WWC2: variants seen among roughly 807,000 people sequenced by gnomAD.
The protein encoded by WWC2 is WW and C2 domain containing 2.
WWC2 carries 101 observed loss-of-function variants against 138.5 expected under a neutral mutation model. The ratio of observed to expected loss-of-function variants is 0.73; its 90% CI spans 0.62 to 0.86. The LOEUF (loss-of-function observed/expected upper bound fraction) is 0.86, where lower values mean the gene tolerates loss of function less well. Ranked by LOEUF, WWC2 falls within the 40% of genes least tolerant of loss-of-function variation. The pLI is 0.00. For synonymous variants in WWC2, 558 were observed against 538.4 expected, an observed-to-expected ratio of 1.04 and a Z score of -0.50; for missense variants, 1,420 against 1,419.4, an observed-to-expected ratio of 1.00 and a Z score of -0.01.
chr4:183,248,935 G>C, intron 7 of WWC2, 75 bp downstream of exon 7: 1 of 1,349,338 alleles, frequency 7.4e-7, no homozygotes, highest in Non-Finnish European at 9.9e-7. Context: ...ATGGTGAACT[G>C]GAACCAGAAG....
intron 1 of WWC2, among the ~76,000 whole-genome samples, chr4:183,185,840 G>A (rs929944615): frequency 6.6e-6 from 1 of 151,508 alleles, no homozygotes; most frequent in East Asian, 1.9e-4. Context: ...TTTTATGTAT[G>A]TACATTTATG....
chr4:183,110,335 A>G (rs1179620767), intron 1 of WWC2, among the ~76,000 whole-genome samples: 1 of 152,122 alleles, frequency 6.6e-6, no homozygotes, highest in Non-Finnish European at 1.5e-5. Flanking sequence ...ATATTTATAA[A>G]ATTACTAGGT....
intron 1 of WWC2, among the ~76,000 whole-genome samples, chr4:183,135,942 A>G (rs1733098177): frequency 6.6e-6 from 1 of 151,890 alleles, no homozygotes; most frequent in South Asian, 2.1e-4. Context: ...ATTCCTTTAA[A>G]TGAGTTTTCT....
intron 1 of WWC2, among the ~76,000 whole-genome samples, chr4:183,170,416 C>G (rs1214152265): frequency 6.6e-6 from 1 of 152,178 alleles, no homozygotes; most frequent in Non-Finnish European, 1.5e-5. Context: ...TTCCAGCTCT[C>G]AAGTTCTGGA....
intron 4 of WWC2, among the ~76,000 whole-genome samples, chr4:183,213,310 T>A (rs1308450913): frequency 6.6e-6 from 1 of 152,242 alleles, no homozygotes; most frequent in South Asian, 2.1e-4. Flanking sequence ...TTTGATAATC[T>A]GGCCCTTCTT....
intron 16 of WWC2, among the ~76,000 whole-genome samples, chr4:183,276,330 T>C (rs1737854979): frequency 6.6e-6 from 1 of 152,134 alleles, no homozygotes; most frequent in Admixed American, 6.6e-5. Flanking sequence ...ATTATTGATA[T>C]ATTTGGGTTT....
At chr4:183,286,145 T>C (rs1738242564) in intron 20 of WWC2, 86 bp downstream of exon 20, 2 of 1,243,668 alleles carry the variant, frequency 1.6e-6, no homozygotes, top group African/African-American at 3.0e-5. Flanking sequence ...AACTACAGAA[T>C]GAATGTCAGT....
intron 21 of WWC2, among the ~76,000 whole-genome samples, chr4:183,302,135 T>G (rs911509124): frequency 2.0e-5 from 3 of 152,264 alleles, no homozygotes; most frequent in African/African-American, 7.2e-5. Context: ...TTTATGCATA[T>G]TTTTGTACCT....
intron 14 of WWC2, among the ~76,000 whole-genome samples, chr4:183,268,069 G>A (rs984334317): frequency 6.6e-6 from 1 of 152,130 alleles, no homozygotes; most frequent in South Asian, 2.1e-4. Context: ...TTTCATTGCT[G>A]AATCTCCATA....
intron 1 of WWC2, among the ~76,000 whole-genome samples, chr4:183,107,113 C>T (rs1743387045): frequency 6.6e-6 from 1 of 151,896 alleles, no homozygotes; most frequent in African/African-American, 2.4e-5. Flanking sequence ...CTCTTTCTGT[C>T]TCTCTCTTCT....
chr4:183,170,317 A>G (rs1165594664), intron 1 of WWC2, among the ~76,000 whole-genome samples: 1 of 152,172 alleles, frequency 6.6e-6, no homozygotes, highest in Non-Finnish European at 1.5e-5. Flanking sequence ...CTGAGGCTCG[A>G]AGTGTATAAA....
At chr4:183,299,723 AACTC>A (rs1738762212) in intron 21 of WWC2, among the ~76,000 whole-genome samples, 1 of 151,992 alleles carries the variant, frequency 6.6e-6, no homozygotes, top group African/African-American at 2.4e-5. Context: ...CACACACACT[AACTC>A]TGCCACACTC....
chr4:183,156,791 A>G (rs1334537119), intron 1 of WWC2, among the ~76,000 whole-genome samples: 1 of 152,218 alleles, frequency 6.6e-6, no homozygotes. Flanking sequence ...CTTACAGTAT[A>G]GATGCAAAAA....
intron 1 of WWC2, among the ~76,000 whole-genome samples, chr4:183,121,390 G>A (rs1318415958): frequency 1.3e-5 from 2 of 151,738 alleles, no homozygotes; most frequent in African/African-American, 4.8e-5. Context: ...ATACTTCCCA[G>A]TTGAACATCC....
chr4:183,108,345 A>G (rs903342125), intron 1 of WWC2, among the ~76,000 whole-genome samples: 2 of 152,072 alleles, frequency 1.3e-5, no homozygotes, highest in African/African-American at 4.8e-5. Context: ...TTCTCCCCCA[A>G]AACCGTAGTA....
chr4:183,178,982 A>C (rs1734543968), intron 1 of WWC2, among the ~76,000 whole-genome samples: 1 of 152,234 alleles, frequency 6.6e-6, no homozygotes, highest in Admixed American at 6.5e-5. Flanking sequence ...AATGGCTATC[A>C]GTACCAGACA....
intron 1 of WWC2, among the ~76,000 whole-genome samples, chr4:183,128,231 C>T (rs925203450): frequency 2.0e-5 from 3 of 152,052 alleles, no homozygotes; most frequent in Non-Finnish European, 2.9e-5. Flanking sequence ...GCCAGCTAGT[C>T]AGGAGGCTGA....
At chr4:183,229,894 G>A (rs1474312064) in intron 4 of WWC2, among the ~76,000 whole-genome samples, 3 of 151,876 alleles carry the variant, frequency 2.0e-5, no homozygotes, top group Non-Finnish European at 4.4e-5. Context: ...GGCTCAATCC[G>A]GCTCACTTTA....
intron 19 of WWC2, 96 bp downstream of exon 19, chr4:183,284,486 A>G: frequency 7.3e-7 from 1 of 1,373,242 alleles, no homozygotes; most frequent in Admixed American, 2.1e-5. Flanking sequence ...GTGCACTGGG[A>G]GTCCACATGA....
Sources: allele counts gnomAD v4.1 joint callset (sites outside exome capture counted in the v4.1 genomes callset), GRCh38; gene constraint gnomAD v4.1.1; transcripts MANE v1.5; gene names NCBI Gene and HGNC (gene_info 2026-07-23, HGNC 2026-07-21).